Variants in GTF2F2 observed in about 807,000 individuals in gnomAD.
GTF2F2 encodes ATP-dependent helicase GTF2F2.
A neutral mutation model predicts 42.2 loss-of-function variants in GTF2F2; 23 were observed. The observed-to-expected ratio is 0.55, with a 90% confidence interval of 0.39 to 0.77. GTF2F2 has a LOEUF of 0.77. Among genes scored for constraint, GTF2F2 ranks in the 30% least tolerant of loss-of-function variants. The pLI is 0.00. For missense variants in GTF2F2, 261 were observed against 287.2 expected, an observed-to-expected ratio of 0.91 and a Z score of 0.66; for synonymous variants, 105 against 100.8, an observed-to-expected ratio of 1.04 and a Z score of -0.25.
chr13:45,282,979 G>A (rs1877323187), intron 7 of GTF2F2, among the ~76,000 whole-genome samples: 1 of 152,132 alleles, frequency 6.6e-6, no homozygotes, highest in Non-Finnish European at 1.5e-5. Flanking sequence ...TCATATGCCT[G>A]CTTGATAGAA....
intron 5 of GTF2F2, among the ~76,000 whole-genome samples, chr13:45,245,453 C>G (rs1365766391): frequency 1.3e-5 from 2 of 151,956 alleles, no homozygotes; most frequent in Non-Finnish European, 2.9e-5. Context: ...TCCTCCCTTT[C>G]CTTACCTCTC....
chr13:45,211,487 T>C (rs1004459478), intron 5 of GTF2F2, among the ~76,000 whole-genome samples: 1 of 151,200 alleles, frequency 6.6e-6, no homozygotes, highest in Admixed American at 6.6e-5. Context: ...CAGGCTGATC[T>C]CAAACTCCTA....
At chr13:45,198,513 G>T (rs1873014824) in intron 4 of GTF2F2, among the ~76,000 whole-genome samples, 1 of 152,118 alleles carries the variant, frequency 6.6e-6, no homozygotes, top group South Asian at 2.1e-4. Flanking sequence ...ATAAGAACAG[G>T]GAGCTTCTGT....
chr13:45,131,628 AGG>A (rs1869353178), intron 1 of GTF2F2, among the ~76,000 whole-genome samples: 1 of 151,686 alleles, frequency 6.6e-6, no homozygotes, highest in African/African-American at 2.4e-5. Flanking sequence ...GCAGAGGACC[AGG>A]CACGGTGGCT....
chr13:45,219,650 G>GA (rs1174030414), intron 5 of GTF2F2: 1 of 152,168 alleles, frequency 6.6e-6, no homozygotes, highest in Non-Finnish European at 1.5e-5. Context: ...ACGAGTCTGT[G>GA]AAGTTTACTT....
chr13:45,209,968 G>T (rs1873565897), intron 5 of GTF2F2, among the ~76,000 whole-genome samples: 1 of 152,056 alleles, frequency 6.6e-6, no homozygotes, highest in Admixed American at 6.5e-5. Flanking sequence ...CACATCCATA[G>T]TCTGATCACC....
At chr13:45,129,294 G>A (rs1018892372) in intron 1 of GTF2F2, among the ~76,000 whole-genome samples, 2 of 152,080 alleles carry the variant, frequency 1.3e-5, no homozygotes, top group Admixed American at 6.5e-5. Context: ...CTGCAGCCTC[G>A]ACCTCCCTGG....
At chr13:45,165,585 C>A (rs1871255900) in intron 4 of GTF2F2, among the ~76,000 whole-genome samples, 1 of 149,468 alleles carries the variant, frequency 6.7e-6, no homozygotes, top group African/African-American at 2.5e-5. Flanking sequence ...CCGCCGCCCG[C>A]TTTTAACCTT....
intron 2 of GTF2F2, among the ~76,000 whole-genome samples, chr13:45,140,089 A>G (rs1657394175): frequency 6.6e-6 from 1 of 150,886 alleles, no homozygotes; most frequent in Admixed American, 6.6e-5. Context: ...CCAGGACTAC[A>G]GGCAAGCACT....
At chr13:45,125,028 A>C (rs554699541) in intron 1 of GTF2F2, among the ~76,000 whole-genome samples, 25 of 152,340 alleles carry the variant, frequency 1.6e-4, no homozygotes, top group African/African-American at 6.0e-4. Context: ...TTGGTGGCCA[A>C]AGAGAAAGTT....
rs575828763 is a variant in GTF2F2 at position 45,254,226 on chromosome 13, T to A, written c.486+1256T>A. On this transcript the variant is annotated intron_variant, in intron 6 of 7. Transcript: ENST00000340473. ...TGGGTTATTTTTGTTAATCTCTTAC[T>A]GTGCCTAATTTATAAATTGAACTTT... is the stretch of plus-strand genomic sequence containing the variant. 1.4e-4 allele frequency among the ~76,000 whole-genome samples: 21 copies of A among 152,336 alleles called. No homozygotes were observed. The East Asian group carries it at 2.7e-3, about 20-fold the overall frequency.
At chr13:45,257,551 C>T (rs1876154246) in intron 6 of GTF2F2, among the ~76,000 whole-genome samples, 1 of 152,124 alleles carries the variant, frequency 6.6e-6, no homozygotes, top group Admixed American at 6.5e-5. Flanking sequence ...TTGTTTAATC[C>T]TGCACTTACA....
chr13:45,193,940 G>A (rs1487971213), intron 4 of GTF2F2: 1 of 1,614,054 alleles, frequency 6.2e-7, no homozygotes, highest in Admixed American at 1.7e-5. Flanking sequence ...TCTTCCTTTA[G>A]TACAAGTCGA....
intron 5 of GTF2F2, among the ~76,000 whole-genome samples, chr13:45,228,281 A>ATTTTTTTTTTTTTTTTTTTTTTTTTT (rs1874467229): frequency 1.2e-5 from 1 of 85,680 alleles, no homozygotes; most frequent in Non-Finnish European, 2.1e-5. Flanking sequence ...GCCAGAGTTA[A>ATTTTTTTTTTTTTTTTTTTTTTTTTT]TCTTTTTTTT....
chr13:45,140,472 C>G (rs1269363127), intron 2 of GTF2F2, among the ~76,000 whole-genome samples: 1 of 152,150 alleles, frequency 6.6e-6, no homozygotes, highest in Non-Finnish European at 1.5e-5. Context: ...GTACAAGTCA[C>G]TGAATCTTCT....
intron 5 of GTF2F2, among the ~76,000 whole-genome samples, chr13:45,232,603 C>G (rs562274084): frequency 1.3e-5 from 2 of 152,218 alleles, no homozygotes; most frequent in South Asian, 2.1e-4. Context: ...CCACTGCACT[C>G]CAGCCTGGGT....
chr13:45,211,586 A>AAT (rs1491253011), intron 5 of GTF2F2, among the ~76,000 whole-genome samples: 17 of 86,678 alleles, frequency 2.0e-4, no homozygotes, highest in Admixed American at 1.1e-4. Flanking sequence ...AAAAAAAAAA[A>AAT]TTTTTTTTTT....
intron 4 of GTF2F2, among the ~76,000 whole-genome samples, chr13:45,163,112 G>A (rs1336370104): frequency 1.3e-5 from 2 of 152,044 alleles, no homozygotes; most frequent in Non-Finnish European, 2.9e-5. Flanking sequence ...AACAATTGTG[G>A]AAGTCCAGTG....
At chr13:45,205,465 T>G (rs1478793462) in intron 4 of GTF2F2, among the ~76,000 whole-genome samples, 1 of 152,218 alleles carries the variant, frequency 6.6e-6, no homozygotes, top group Non-Finnish European at 1.5e-5. Context: ...GTTGCAACAT[T>G]AATAAACGTG....
Sources: gnomAD v4.1 joint callset for allele counts (sites outside exome capture counted in the v4.1 genomes callset) on GRCh38, gnomAD v4.1.1 for gene constraint, MANE v1.5 for transcripts, NCBI Gene and HGNC (gene_info 2026-07-23, HGNC 2026-07-21) for gene names.